Variants in INPP5F observed in about 807,000 individuals in gnomAD.
INPP5F encodes inositol polyphosphate-5-phosphatase F.
In INPP5F, 97 loss-of-function variants were observed where a neutral mutation model predicts 137.2. That is an observed-to-expected ratio of 0.71 (90% CI 0.60 to 0.84). INPP5F has a LOEUF of 0.84. Ranked by LOEUF, INPP5F falls within the 40% of genes least tolerant of loss-of-function variation. The pLI is 0.00. For missense variants in INPP5F, 1,271 were observed against 1,371.9 expected (o/e 0.93, Z 1.16); for synonymous variants, 504 against 476.9 (o/e 1.06, Z -0.74).
intron 8 of INPP5F, 93 bp from the exon 9 acceptor site, chr10:119,798,447 CAAT>C (rs1850464178): frequency 3.8e-6 from 3 of 799,502 alleles, no homozygotes; most frequent in Admixed American, 2.4e-5. Flanking sequence ...TTTGGGCTGT[CAAT>C]AAATTATTTA....
At chr10:119,738,454 G>A (rs957486467) in intron 1 of INPP5F, among the ~76,000 whole-genome samples, 3 of 152,264 alleles carry the variant, frequency 2.0e-5, no homozygotes, top group Non-Finnish European at 1.5e-5. Flanking sequence ...GTATGAGCCC[G>A]CTGGCCATTT....
At position 119,828,464 on chromosome 10, in the gene INPP5F, A is replaced by G. The variant is rs992102206; in HGVS notation, c.*684A>G. 1 of 152,138 alleles carries G rather than the reference A, an allele frequency of 6.6e-6. No homozygotes were observed. Among genetic ancestry groups the G allele is most frequent in the Non-Finnish European group, 1.5e-5 (1 of 68,022 alleles). The allele number at this position is 152,138 out of a possible 1,614,324, so 9.4% of individuals were successfully genotyped here. A position where few individuals can be genotyped will look rare whatever the true frequency, so the allele number is the denominator to read the frequency against. ...TCAGAGGTGAATACCAGCACCTATT[A>G]GGTTTCATTTTGCTGTTTTCAGGAA... On this transcript the variant is annotated 3_prime_UTR_variant, in exon 20 of 20. Transcript: ENST00000650623.
At chr10:119,814,497 C>G (rs894677019) in intron 15 of INPP5F, 1 of 152,262 alleles carries the variant, frequency 6.6e-6, no homozygotes, top group East Asian at 1.9e-4. Flanking sequence ...CCATCAGTGA[C>G]ACGTGTTAGA....
chr10:119,741,510 CTTTTTA>C (rs751020451), intron 1 of INPP5F, among the ~76,000 whole-genome samples: 2 of 152,096 alleles, frequency 1.3e-5, no homozygotes, highest in Non-Finnish European at 2.9e-5. Flanking sequence ...CCAACAACAG[CTTTTTA>C]TTTTTATTTA....
At chr10:119,777,380 G>C (rs1400318907) in intron 2 of INPP5F, among the ~76,000 whole-genome samples, 1 of 152,122 alleles carries the variant, frequency 6.6e-6, no homozygotes, top group Non-Finnish European at 1.5e-5. Context: ...ACAAAAATTA[G>C]CCAGGCGTGG....
chr10:119,827,356 C>T lies in INPP5F; in HGVS notation c.2975C>T (p.Thr992Ile), dbSNP rs1554897897. Residue 992 changes from threonine to isoleucine, a missense_variant, in exon 20 of 20, where the codon ACC becomes ATC. Thr to Ile is a moderately conservative substitution (Grantham distance 89, BLOSUM62 -1). Around this residue, in one of 6 missense-constraint regions of INPP5F, gnomAD observed 490 missense variants for 443.7 expected, o/e 1.10. Transcript: ENST00000650623. The part of the protein sequence containing the change: ...QQASQERNQM[T>I]NQVSNETQSE... ...GCTAGTCAGGAAAGAAATCAAATGA[C>T]CAATCAAGTTTCAAATGAAACCCAA... is the stretch of plus-strand genomic sequence containing the variant. 6.2e-7 allele frequency: 1 copy of T among 1,614,192 alleles called. No homozygotes were observed. The highest frequency in any genetic ancestry group is 8.5e-7 in the Non-Finnish European group (1 of 1,180,016).
intron 15 of INPP5F, chr10:119,818,592 T>TAGGCGTAGG (rs969881592): frequency 6.6e-6 from 1 of 152,368 alleles, no homozygotes. Context: ...CCCTCGTTGG[T>TAGGCGTAGG]AGGCGTAGGA....
rs1484029892 is a variant in INPP5F at position 119,771,870 on chromosome 10, ATATATATATATATTTTTTTTTTTTTT to A, written c.179-9763_179-9738del. Reference sequence around the variant, plus strand: ...GATATATATATATATATATATATATATATATATATATATTTTTTTTTTTTTTTTTTTTTTTTTTTTTTTGAGATGGA... The same window carrying A: ...GATATATATATATATATATATATATATTTTTTTTTTTTTTTTTGAGATGGA... On this transcript the variant is annotated intron_variant, in intron 2 of 19. Coordinates refer to ENST00000650623, the MANE Select transcript of INPP5F (RefSeq NM_014937.4). Among the ~76,000 whole-genome samples the A allele has an allele frequency of 8.5e-4, 14 of 16,468 alleles. No homozygotes were observed. The South Asian group carries it at 0.019, about 23-fold the overall frequency. 10.8% of individuals were successfully genotyped at this position (16,468 alleles called of 152,430 possible).
At chr10:119,807,856 C>G in intron 12 of INPP5F, 76 bp from the exon 13 acceptor site, 1 of 1,384,010 alleles carries the variant, frequency 7.2e-7, no homozygotes, top group Non-Finnish European at 9.7e-7. Context: ...AATATGTTTC[C>G]TTTTTCTGCA....
chr10:119,797,633 G>C lies in INPP5F; in HGVS notation c.1041G>C (p.Leu347=). 1 of 1,607,600 alleles carries C rather than the reference G, an allele frequency of 6.2e-7. No homozygotes were observed. The highest frequency in any genetic ancestry group is 8.5e-7 in the Non-Finnish European group (1 of 1,177,200). ...ATCGATATAACCCAAGACCGCGGCT[G>C]GACAGAAGTAAGCAGGTCAATTATT... The part of the protein sequence containing the change: ...VGYRYNPRPR[L]DRSEKETVAY... The change falls in exon 8 of 20, where the codon CTG becomes CTC. Residue 347 remains leucine, a synonymous_variant. Coordinates refer to ENST00000650623, the MANE Select transcript of INPP5F (RefSeq NM_014937.4).
chr10:119,735,594 C>G (rs4752343), intron 1 of INPP5F, among the ~76,000 whole-genome samples: 72,988 of 151,934 alleles, frequency 0.48, 17,639 homozygotes, highest in East Asian at 0.61. Flanking sequence ...TATAAACATT[C>G]TCTTATTTCC....
At chr10:119,759,564 C>G (rs1848948788) in intron 2 of INPP5F, among the ~76,000 whole-genome samples, 1 of 152,072 alleles carries the variant, frequency 6.6e-6, no homozygotes, top group African/African-American at 2.4e-5. Flanking sequence ...TCATGTTGGC[C>G]AGGCTGGTCT....
chr10:119,747,372 C>T (rs1288126408), intron 1 of INPP5F, among the ~76,000 whole-genome samples: 1 of 151,866 alleles, frequency 6.6e-6, no homozygotes, highest in Non-Finnish European at 1.5e-5. Context: ...CAGGCACGCA[C>T]CACCACGCCC....
intron 2 of INPP5F, among the ~76,000 whole-genome samples, chr10:119,770,101 A>G (rs962943999): frequency 1.3e-5 from 2 of 152,126 alleles, no homozygotes; most frequent in African/African-American, 4.8e-5. Flanking sequence ...CCTACTGGTC[A>G]TGCTTTTCAA....
intron 1 of INPP5F, among the ~76,000 whole-genome samples, chr10:119,727,469 G>A (rs1847927004): frequency 6.6e-6 from 1 of 152,168 alleles, no homozygotes; most frequent in Non-Finnish European, 1.5e-5. Flanking sequence ...CTCTTTTTCA[G>A]GTGAGGAGAA....
chr10:119,813,181 A>G (rs890910783), intron 15 of INPP5F, among the ~76,000 whole-genome samples: 1 of 152,206 alleles, frequency 6.6e-6, no homozygotes, highest in African/African-American at 2.4e-5. Flanking sequence ...CCAATTCTGT[A>G]ATTTTTATGG....
chr10:119,747,085 G>A (rs961403411), intron 1 of INPP5F, among the ~76,000 whole-genome samples: 2 of 151,992 alleles, frequency 1.3e-5, no homozygotes, highest in Non-Finnish European at 2.9e-5. Flanking sequence ...CACCATGCCC[G>A]GCCATAAGCA....
rs1402574640 is a variant in INPP5F at position 119,726,221 on chromosome 10, G to A, written c.-42G>A. On this transcript the variant is annotated 5_prime_UTR_variant, in exon 1 of 20. Transcript: ENST00000650623. ...CTCGACCGACTAGGACGCCCCGTGC[G>A]CCGCCCGCGGGCCGCCGCCTCCCTG... is the stretch of plus-strand genomic sequence containing the variant. The A allele has an allele frequency of 2.1e-5, 28 of 1,337,038 alleles. No homozygotes were observed. Among genetic ancestry groups the A allele is most frequent in the Non-Finnish European group, 2.6e-5 (26 of 1,018,612 alleles). The allele number at this position is 1,337,038 out of a possible 1,614,324, so 82.8% of individuals were successfully genotyped here. A position where few individuals can be genotyped will look rare whatever the true frequency, so the allele number is the denominator to read the frequency against.
At chr10:119,771,118 T>A (rs1002805548) in intron 2 of INPP5F, among the ~76,000 whole-genome samples, 4 of 152,158 alleles carry the variant, frequency 2.6e-5, no homozygotes, top group African/African-American at 9.7e-5. Flanking sequence ...CTACACCAGC[T>A]CCTGGCAACC....
Sources: allele counts gnomAD v4.1 joint callset (sites outside exome capture counted in the v4.1 genomes callset), GRCh38; gene constraint gnomAD v4.1.1; regional missense constraint gnomAD v4.1.1; transcripts MANE v1.5; gene names NCBI Gene and HGNC (gene_info 2026-07-23, HGNC 2026-07-21).